Variants in SND1 observed in about 807,000 individuals in gnomAD.
SND1 encodes the protein staphylococcal nuclease domain-containing protein 1.
SND1 carries 38 observed loss-of-function variants against 121.7 expected under a neutral mutation model. The observed-to-expected ratio is 0.31, with a 90% CI of 0.24 to 0.41. The LOEUF (loss-of-function observed/expected upper bound fraction) is 0.41, where lower values mean the gene tolerates loss of function less well. SND1 is among the 10% of genes least tolerant of loss of function. The probability of loss-of-function intolerance (pLI) is 1.00; values close to 1 mark genes in which losing one functional copy is unlikely to be tolerated. For synonymous variants in SND1, 401 were observed against 447.4 expected, an observed-to-expected ratio of 0.90 and a Z score of 1.31; for missense variants, 868 against 1,184.6, an observed-to-expected ratio of 0.73 and a Z score of 3.92.
At position 127,853,266 on chromosome 7, in the gene SND1, G is replaced by A. The variant is rs376709789; in HGVS notation, c.1343+8842G>A. Among the ~76,000 whole-genome samples, 4 of 152,274 alleles carry A rather than the reference G, an allele frequency of 2.6e-5. No individual in the cohort carries two copies. In the East Asian group the frequency reaches 7.7e-4, roughly 29 times the overall value. On this transcript the variant is annotated intron_variant, in intron 12 of 23. Coordinates refer to ENST00000354725, the MANE Select transcript of SND1 (RefSeq NM_014390.4). ...TGCAGAAGCTGTCTCAAATGCTGTG[G>A]CCACACGTCCATCTAAACTTCTTCC...
At chr7:127,772,455 T>A (rs1415033436) in intron 10 of SND1, among the ~76,000 whole-genome samples, 1 of 152,140 alleles carries the variant, frequency 6.6e-6, no homozygotes, top group African/African-American at 2.4e-5. Context: ...ACAGAAGTAA[T>A]GTCTGTGATT....
intron 12 of SND1, among the ~76,000 whole-genome samples, chr7:127,859,805 T>C (rs1054485771): frequency 3.3e-5 from 5 of 152,214 alleles, no homozygotes; most frequent in African/African-American, 9.6e-5. Flanking sequence ...TAAGTGGTGA[T>C]TCTGATGTGC....
At chr7:128,083,799 G>A (rs935672242) in intron 18 of SND1, among the ~76,000 whole-genome samples, 1 of 152,136 alleles carries the variant, frequency 6.6e-6, no homozygotes, top group Non-Finnish European at 1.5e-5. Context: ...GAGACGCAAG[G>A]GGCAAAAAAG....
At position 128,089,764 on chromosome 7, in the gene SND1, C is replaced by T. The variant is rs547259406; in HGVS notation, c.2622+72C>T. ...CAGAGAAAGGGACTGTTCCACAAGC[C>T]AGGAAGGGAGCAGGGAATCCACCAT... On this transcript the variant is annotated intron_variant, in intron 22 of 23. Coordinates refer to ENST00000354725, the MANE Select transcript of SND1 (RefSeq NM_014390.4). 3 of 1,368,918 alleles carry T rather than the reference C, an allele frequency of 2.2e-6. No homozygotes were observed. In the African/African-American group the frequency reaches 4.3e-5, roughly 19 times the overall value. The allele number at this position is 1,368,918 out of a possible 1,614,324, so 84.8% of individuals were successfully genotyped here.
At chr7:127,752,709 C>T (rs963634191) in intron 10 of SND1, among the ~76,000 whole-genome samples, 3 of 152,152 alleles carry the variant, frequency 2.0e-5, no homozygotes, top group Non-Finnish European at 2.9e-5. Flanking sequence ...ACACTAACTG[C>T]CTGAATGAAT....
intron 15 of SND1, among the ~76,000 whole-genome samples, chr7:127,941,915 A>G (rs893954545): frequency 9.9e-6 from 1 of 100,678 alleles, no homozygotes; most frequent in South Asian, 3.2e-4. Flanking sequence ...TTTTTTTTAA[A>G]TTTTCCAAGT....
chr7:127,933,363 A>G (rs1488617852), intron 15 of SND1, among the ~76,000 whole-genome samples: 1 of 152,246 alleles, frequency 6.6e-6, no homozygotes, highest in African/African-American at 2.4e-5. Flanking sequence ...ACAGAAGCAA[A>G]TACGTGATAA....
chr7:127,799,205 A>G (rs756626357), intron 10 of SND1, among the ~76,000 whole-genome samples: 4 of 152,196 alleles, frequency 2.6e-5, no homozygotes, highest in Non-Finnish European at 4.4e-5. Flanking sequence ...GTCTTTTGGC[A>G]GTAAAAAACC....
intron 16 of SND1, chr7:128,030,652 T>C (rs759508610): frequency 7.8e-6 from 12 of 1,534,952 alleles, no homozygotes; most frequent in Non-Finnish European, 8.8e-6. Context: ...GTGTGGCACG[T>C]TCATAATTCA....
intron 1 of SND1, among the ~76,000 whole-genome samples, chr7:127,664,454 A>G (rs974589149): frequency 6.6e-5 from 10 of 152,148 alleles, no homozygotes; most frequent in African/African-American, 2.4e-4. Context: ...GGGGTTGGGG[A>G]AAATGGGGAG....
intron 5 of SND1, among the ~76,000 whole-genome samples, chr7:127,702,056 G>A (rs1321879316): frequency 2.0e-5 from 3 of 152,104 alleles, no homozygotes; most frequent in African/African-American, 7.2e-5. Context: ...TTTTTGGCCC[G>A]GTTTTGAGAC....
chr7:128,006,117 G>A (rs1421786214), intron 16 of SND1, among the ~76,000 whole-genome samples: 1 of 152,164 alleles, frequency 6.6e-6, no homozygotes, highest in Non-Finnish European at 1.5e-5. Context: ...CAGGGCTGTG[G>A]GTGAAGGAAG....
chr7:127,653,702 A>T (rs565164737), intron 1 of SND1, among the ~76,000 whole-genome samples: 1 of 152,278 alleles, frequency 6.6e-6, no homozygotes, highest in East Asian at 1.9e-4. Context: ...TCTGCAGCTT[A>T]TGTGTGTGTA....
At chr7:127,933,297 C>T (rs1800991280) in intron 15 of SND1, among the ~76,000 whole-genome samples, 1 of 152,218 alleles carries the variant, frequency 6.6e-6, no homozygotes, top group South Asian at 2.1e-4. Flanking sequence ...TTATTTTAAG[C>T]TTAGCAATTC....
At chr7:127,915,254 G>A (rs369456122) in intron 14 of SND1, among the ~76,000 whole-genome samples, 3 of 152,044 alleles carry the variant, frequency 2.0e-5, no homozygotes, top group Non-Finnish European at 2.9e-5. Context: ...GCTCAAGCGC[G>A]AGCCACTGCA....
chr7:127,723,751 A>G lies in SND1; in HGVS notation c.1152+2351A>G, dbSNP rs1796536238. On this transcript the variant is annotated intron_variant, in intron 10 of 23. Transcript: ENST00000354725. ...CCAGCGCTGTCCAACAGATATATAAATATGAGCCACACATGTGAGCTCTAT... is the reference window on the plus strand; with the variant it reads ...CCAGCGCTGTCCAACAGATATATAAGTATGAGCCACACATGTGAGCTCTAT... Among the ~76,000 whole-genome samples the G allele has an allele frequency of 3.3e-5, 5 of 152,374 alleles. No homozygotes were observed. In the South Asian group the frequency reaches 1.0e-3, roughly 32 times the overall value.
intron 17 of SND1, among the ~76,000 whole-genome samples, chr7:128,079,029 C>T (rs528930772): frequency 6.6e-6 from 1 of 152,344 alleles, no homozygotes; most frequent in East Asian, 1.9e-4. Flanking sequence ...GGCTCCATCC[C>T]AGTTCACTTA....
intron 1 of SND1, among the ~76,000 whole-genome samples, chr7:127,657,486 ATTTATTT>A (rs1351926448): frequency 6.6e-6 from 1 of 152,040 alleles, no homozygotes; most frequent in Non-Finnish European, 1.5e-5. Context: ...ACCATTGATG[ATTTATTT>A]TTTATTTTTT....
chr7:127,699,681 G>T (rs1324775231), intron 4 of SND1, among the ~76,000 whole-genome samples: 4 of 152,186 alleles, frequency 2.6e-5, no homozygotes, highest in Non-Finnish European at 5.9e-5. Context: ...AGTGTTGGCT[G>T]TCAGTAGGAT....
Sources: allele counts gnomAD v4.1 joint callset (sites outside exome capture counted in the v4.1 genomes callset), GRCh38; gene constraint gnomAD v4.1.1; transcripts MANE v1.5; gene names NCBI Gene and HGNC (gene_info 2026-07-23, HGNC 2026-07-21).